The following SLFN13 variants were observed in gnomAD, a reference collection of about 807,000 sequenced individuals.
SLFN13 encodes the protein schlafen family member 13.
SLFN13 carries 43 observed loss-of-function variants against 50.6 expected under a neutral mutation model. That is an observed-to-expected ratio of 0.85 (90% CI 0.67 to 1.09). SLFN13 has a LOEUF of 1.09. Among genes scored for constraint, SLFN13 ranks in the 50% least tolerant of loss-of-function variants. The pLI is 0.00. For missense variants in SLFN13, 881 were observed against 1,071.1 expected (o/e 0.82, Z 2.48); for synonymous variants, 339 against 386.5 (o/e 0.88, Z 1.44).
rs1258849319 is a variant in SLFN13, at chr17:35,436,619, C to T, written c.*3976G>A. Reference sequence around the variant, plus strand: ...GAATGGAACTAATCACTATCAAGTGCCTTCTAATACCGTGAACTGAGAACC... The same window carrying T: ...GAATGGAACTAATCACTATCAAGTGTCTTCTAATACCGTGAACTGAGAACC... On this transcript the variant is annotated 3_prime_UTR_variant, in exon 6 of 6. Coordinates refer to ENST00000285013, the MANE Select transcript of SLFN13 (RefSeq NM_144682.6). The T allele has an allele frequency of 1.3e-5, 2 of 152,104 alleles. No individual in the cohort carries two copies. Among genetic ancestry groups the T allele is most frequent in the African/African-American group, 4.8e-5 (2 of 41,430 alleles). The allele number at this position is 152,104 out of a possible 1,614,324, so 9.4% of individuals were successfully genotyped here.
Position 35,442,207 on chromosome 17 carries a change from T to C in SLFN13, c.1278A>G (p.Leu426=), listed in dbSNP as rs1228461154. ...LSLQHEGLKE[L]IHKQMRPFSQ... is the part of the protein sequence containing the mutation. Reference sequence around the variant, plus strand: ...AGAAAGGTCGCATTTGCTTGTGTATTAACTCCTTTAGTCCTTCATGCTGTA... The same window carrying C: ...AGAAAGGTCGCATTTGCTTGTGTATCAACTCCTTTAGTCCTTCATGCTGTA... The change falls in exon 5 of 6, where the codon TTA becomes TTG. Residue 426 remains leucine (L), a synonymous_variant. Coordinates refer to ENST00000285013, the MANE Select transcript of SLFN13 (RefSeq NM_144682.6). The C allele has an allele frequency of 6.2e-7, 1 of 1,613,914 alleles. No homozygotes were observed. The highest frequency in any genetic ancestry group is 1.3e-5 in the African/African-American group (1 of 74,936).
In SLFN13 at chr17:35,444,904, A is replaced by C. The variant is rs140995335; in HGVS notation, c.777T>G (p.Cys259Trp). ...AGTCAGGGTCAACCTGTTCTTTGGC[A>C]CATCCCAGGACTTTCCTACTCTTAT... Reference protein sequence around the residue: ...VDDKSRKVLGCAKEQVDPDSL... With the variant: ...VDDKSRKVLGWAKEQVDPDSL... Residue 259 changes from cysteine to tryptophan, a missense_variant, in exon 3 of 6, where the codon TGT (cysteine) becomes TGG (tryptophan). By Grantham distance (215) the Cys-to-Trp change is radical. Around this residue, in one of 5 missense-constraint regions of SLFN13, gnomAD observed 497 missense variants for 518.3 expected, o/e 0.96. Coordinates refer to ENST00000285013, the MANE Select transcript of SLFN13 (RefSeq NM_144682.6). 365 of 1,614,250 alleles carry C rather than the reference A, an allele frequency of 2.3e-4. 1 individual carries two copies. In the African/African-American group the frequency reaches 4.1e-3, roughly 18 times the overall value.
intron 4 of SLFN13, among the ~76,000 whole-genome samples, chr17:35,443,325 T>G (rs1368134453): frequency 1.3e-5 from 2 of 152,232 alleles, no homozygotes; most frequent in Non-Finnish European, 2.9e-5. Flanking sequence ...TTTTTCTATA[T>G]TCTTATATTC....
chr17:35,445,692 A>G lies in SLFN13; in HGVS notation c.-12T>C. On this transcript the variant is annotated splice_region_variant and 5_prime_UTR_variant, in exon 3 of 6. Transcript: ENST00000285013. Reference sequence around the variant, plus strand: ...TGATTTGCCTCCATGTTGAACTTGCACCTTAAAGTATTAGAATATTTGTTT... The same window carrying G: ...TGATTTGCCTCCATGTTGAACTTGCGCCTTAAAGTATTAGAATATTTGTTT... The G allele has an allele frequency of 6.4e-7, 1 of 1,562,068 alleles. No homozygotes were observed. Among genetic ancestry groups the G allele is most frequent in the Non-Finnish European group, 8.6e-7 (1 of 1,156,142 alleles).
intron 4 of SLFN13, among the ~76,000 whole-genome samples, chr17:35,442,800 C>T (rs143307326): frequency 8.5e-4 from 130 of 152,274 alleles, no homozygotes; most frequent in African/African-American, 3.0e-3. Context: ...TGATGTCACC[C>T]TTCTATGTAT....
chr17:35,436,861 C>T lies in SLFN13; in HGVS notation c.*3734G>A, dbSNP rs1912658535. 6.6e-6 allele frequency: 1 copy of T among 152,068 alleles called. No homozygotes were observed. Among genetic ancestry groups the T allele is most frequent in the Non-Finnish European group, 1.5e-5 (1 of 68,022 alleles). The allele number at this position is 152,068 out of a possible 1,614,324, so 9.4% of individuals were successfully genotyped here. On this transcript the variant is annotated 3_prime_UTR_variant, in exon 6 of 6. Coordinates refer to ENST00000285013, the MANE Select transcript of SLFN13 (RefSeq NM_144682.6). ...ACAATGCATGATCTTAGATCAAATC[C>T]TGGACCAGAACTTTTTCTCTTTTGA...
Position 35,436,018 on chromosome 17 carries a change from G to A in SLFN13, c.*4577C>T, listed in dbSNP as rs999691314. On this transcript the variant is annotated 3_prime_UTR_variant, in exon 6 of 6. Transcript: ENST00000285013. ...GTATTATCACTTTTACAAATTGTTG[G>A]ATTTTGTTTGCTAAAATTTTGTTTA... 3 of 152,040 alleles carry A rather than the reference G, an allele frequency of 2.0e-5. No individual in the cohort carries two copies. Among genetic ancestry groups the A allele is most frequent in the Non-Finnish European group, 4.4e-5 (3 of 67,994 alleles). 9.4% of individuals were successfully genotyped at this position (152,040 alleles called of 1,614,324 possible).
chr17:35,442,376 C>T lies in SLFN13; in HGVS notation c.1199-90G>A, dbSNP rs550869491. ...TTACATTTAAAAGACAGAGGAAAGC[C>T]CCCAAAGAATTGTACAATTTAACAG... On this transcript the variant is annotated intron_variant, in intron 4 of 5. Coordinates refer to ENST00000285013, the MANE Select transcript of SLFN13 (RefSeq NM_144682.6). The T allele has an allele frequency of 1.4e-4, 197 of 1,388,910 alleles. 2 individuals are homozygous for T. The South Asian group carries it at 2.7e-3, about 19-fold the overall frequency. The allele number at this position is 1,388,910 out of a possible 1,614,324, so 86.0% of individuals were successfully genotyped here.
In SLFN13 at chr17:35,441,798, A is replaced by G. The variant is rs1377636974; in HGVS notation, c.1687T>C (p.Ser563Pro). The G allele has an allele frequency of 6.6e-7, 1 of 1,508,920 alleles. No individual in the cohort carries two copies. Among genetic ancestry groups the G allele is most frequent in the Non-Finnish European group, 8.9e-7 (1 of 1,121,168 alleles). 93.5% of individuals were successfully genotyped at this position (1,508,920 alleles called of 1,614,324 possible). A position where few individuals can be genotyped will look rare whatever the true frequency, so the allele number is the denominator to read the frequency against. ...CAGCCGAGCTGGTCACTCAAGAGAG[A>G]CCTGAAGCCGAGTAAGACAATCACG... Reference protein sequence around the residue: ...SLVIVLLGFRSLLSDQLGCEV... With the variant: ...SLVIVLLGFRPLLSDQLGCEV... Residue 563 changes from serine (S) to proline (P), a missense_variant, in exon 5 of 6, where the codon TCT (serine) becomes CCT (proline). By Grantham distance (74) the Ser-to-Pro change is moderately conservative. Around this residue, in one of 5 missense-constraint regions of SLFN13, gnomAD observed 22 missense variants for 132.0 expected, o/e 0.17. Transcript: ENST00000285013.
At position 35,440,968 on chromosome 17, in the gene SLFN13, G is replaced by A. The variant is rs1912836621; in HGVS notation, c.2321C>T (p.Pro774Leu). 6.2e-7 allele frequency: 1 copy of A among 1,612,834 alleles called. No individual in the cohort carries two copies. The highest frequency in any genetic ancestry group is 8.5e-7 in the Non-Finnish European group (1 of 1,180,004). ...GTTTTTAATAATCTTTGTGTTGCCT[G>A]GAACACCTGGAACCCATTTAGCTTC... The part of the protein sequence containing the change: ...LSEAKWVPGV[P>L]GNTKIIKNFT... The change falls in exon 6 of 6, where the codon CCA becomes CTA. Residue 774 changes from proline (P) to leucine (L), a missense_variant. Around this residue, in one of 5 missense-constraint regions of SLFN13, gnomAD observed 322 missense variants for 327.4 expected, o/e 0.98. Coordinates refer to ENST00000285013, the MANE Select transcript of SLFN13 (RefSeq NM_144682.6).
Position 35,440,723 on chromosome 17 carries a change from G to T in SLFN13, c.2566C>A (p.Arg856=), listed in dbSNP as rs747408131. ...ATGCTCCTTTCCAGGCCTGAGAATC[G>T]CCGGACACTGTCCAACACAATGTGC... is the stretch of plus-strand genomic sequence containing the variant. ...GVHIVLDSVR[R]FSGLERSIVF... is the part of the protein sequence containing the mutation. The change falls in exon 6 of 6, where the codon CGA becomes AGA. Residue 856 remains arginine, a synonymous_variant. Coordinates refer to ENST00000285013, the MANE Select transcript of SLFN13 (RefSeq NM_144682.6). 2.7e-5 allele frequency: 44 copies of T among 1,613,902 alleles called. No homozygotes were observed. The highest frequency in any genetic ancestry group is 3.6e-5 in the Non-Finnish European group (42 of 1,180,016).
intron 4 of SLFN13, 24 bp from the exon 5 acceptor site, chr17:35,442,310 A>C (rs371218404): frequency 1.3e-6 from 2 of 1,534,804 alleles, no homozygotes; most frequent in African/African-American, 2.8e-5. Flanking sequence ...AAATAGAAAG[A>C]TGTTTTCACT....
intron 1 of SLFN13, 143 bp downstream of exon 1, chr17:35,448,579 C>G (rs1167815881): frequency 2.7e-5 from 4 of 150,934 alleles, no homozygotes; most frequent in Non-Finnish European, 5.9e-5. Context: ...ACCGGCTGGC[C>G]GGAGCTGGGG....
rs758956429 is a variant in SLFN13, at chr17:35,441,129, T to C, written c.2160A>G (p.Ala720=). ...TGGTGAGCTCTTCTCTTGGATACTG[T>C]GCTGAGAGAGGGGGAAGGCCACTGT... The part of the protein sequence containing the change: ...LGHSGLPPLS[A]QYPREELTRV... The change falls in exon 6 of 6, where the codon GCA becomes GCG. Residue 720 remains alanine (A), a synonymous_variant. Coordinates refer to ENST00000285013, the MANE Select transcript of SLFN13 (RefSeq NM_144682.6). 8.1e-6 allele frequency: 13 copies of C among 1,614,052 alleles called. No individual in the cohort carries two copies. The highest frequency in any genetic ancestry group is 1.0e-5 in the Non-Finnish European group (12 of 1,179,992).
intron 4 of SLFN13, 67 bp downstream of exon 4, chr17:35,443,722 A>G (rs1341770875): frequency 1.3e-6 from 2 of 1,529,008 alleles, no homozygotes; most frequent in African/African-American, 1.4e-5. Flanking sequence ...TCTTTCATGG[A>G]TTTGTTTTCC....
chr17:35,444,862 A>G lies in SLFN13; in HGVS notation c.819T>C (p.Ile273=). Residue 273 remains isoleucine, a synonymous_variant, in exon 3 of 6, where the codon ATT becomes ATC. Transcript: ENST00000285013. ...TGGGCAACTTAGAAATTGCTCTTGC[A>G]ATTACATTTTTCAAAGAGTCAGGGT... is the stretch of plus-strand genomic sequence containing the variant. ...QVDPDSLKNV[I]ARAISKLPIV... 1 of 1,614,242 alleles carries G rather than the reference A, an allele frequency of 6.2e-7. No homozygotes were observed. The highest frequency in any genetic ancestry group is 8.5e-7 in the Non-Finnish European group (1 of 1,180,050).
At chr17:35,443,193 T>C (rs989264747) in intron 4 of SLFN13, among the ~76,000 whole-genome samples, 4 of 152,304 alleles carry the variant, frequency 2.6e-5, no homozygotes, top group South Asian at 2.1e-4. Flanking sequence ...TAAAAAATGT[T>C]TGGGCAGCAG....
At position 35,445,659 on chromosome 17, in the gene SLFN13, G is replaced by A. The variant is rs752989159; in HGVS notation, c.22C>T (p.Leu8=). The A allele has an allele frequency of 6.2e-7, 1 of 1,608,016 alleles. No individual in the cohort carries two copies. The highest frequency in any genetic ancestry group is 8.5e-7 in the Non-Finnish European group (1 of 1,176,402). Residue 8 remains leucine, a synonymous_variant, in exon 3 of 6, where the codon CTG becomes TTG. Transcript: ENST00000285013. MEANHCS[L]GVYPSYPDLV... is the part of the protein sequence containing the mutation. ...TCTGGGTAAGATGGATACACACCCA[G>A]GGAGCAGTGATTTGCCTCCATGTTG...
Position 35,436,762 on chromosome 17 carries a change from T to C in SLFN13, c.*3833A>G, listed in dbSNP as rs1030654413. 3.3e-5 allele frequency: 5 copies of C among 152,118 alleles called. No homozygotes were observed. The highest frequency in any genetic ancestry group is 2.1e-4 in the South Asian group (1 of 4,834). The allele number at this position is 152,118 out of a possible 1,614,324, so 9.4% of individuals were successfully genotyped here. On this transcript the variant is annotated 3_prime_UTR_variant, in exon 6 of 6. Coordinates refer to ENST00000285013, the MANE Select transcript of SLFN13 (RefSeq NM_144682.6). ...AAAATAATAGGCCAGTCCTCTTCAATAGTGTCAAAGATATGACAAAGACAG... is the reference window on the plus strand; with the variant it reads ...AAAATAATAGGCCAGTCCTCTTCAACAGTGTCAAAGATATGACAAAGACAG...
Sources: allele counts gnomAD v4.1 joint callset (sites outside exome capture counted in the v4.1 genomes callset), GRCh38; gene constraint gnomAD v4.1.1; regional missense constraint gnomAD v4.1.1; transcripts MANE v1.5; gene names NCBI Gene and HGNC (gene_info 2026-07-23, HGNC 2026-07-21).